The following RGS6 variants were observed in gnomAD, a reference collection of about 807,000 sequenced individuals.
The protein encoded by RGS6 is regulator of G protein signaling 6.
RGS6 carries 30 observed loss-of-function variants against 78.5 expected under a neutral mutation model. That is an observed-to-expected ratio of 0.38 (90% CI 0.29 to 0.52). RGS6 has a LOEUF of 0.52. Among genes scored for constraint, RGS6 ranks in the 20% least tolerant of loss-of-function variants. The pLI is 0.85. For synonymous variants in RGS6, 206 were observed against 206.0 expected, an observed-to-expected ratio of 1.00 and a Z score of 0.00; for missense variants, 495 against 609.7, an observed-to-expected ratio of 0.81 and a Z score of 1.98.
intron 2 of RGS6, among the ~76,000 whole-genome samples, chr14:72,115,659 C>A (rs899477296): frequency 6.6e-6 from 1 of 152,198 alleles, no homozygotes; most frequent in South Asian, 2.1e-4. Flanking sequence ...CCTGGCCCCC[C>A]ATCAACTTTC....
At chr14:72,506,280 G>A (rs2096798149) in intron 13 of RGS6, among the ~76,000 whole-genome samples, 1 of 152,138 alleles carries the variant, frequency 6.6e-6, no homozygotes, top group South Asian at 2.1e-4. Context: ...AAATCCAAAT[G>A]CTGACATAAA....
chr14:72,547,585 C>T lies in RGS6; in HGVS notation c.1422+7491C>T, dbSNP rs143323324. On this transcript the variant is annotated intron_variant, in intron 17 of 17. Transcript: ENST00000553525. ...GCAGTGTGGCTAAATGGGACACTGC[C>T]GGGGGTGGGACTCAGAGCAGTGGGA... Among the ~76,000 whole-genome samples, 12 of 152,214 alleles carry T rather than the reference C, an allele frequency of 7.9e-5. No individual in the cohort carries two copies. In the East Asian group the frequency reaches 2.3e-3, roughly 29 times the overall value.
chr14:72,079,676 C>A (rs1197363931), intron 2 of RGS6, among the ~76,000 whole-genome samples: 1 of 152,032 alleles, frequency 6.6e-6, no homozygotes, highest in African/African-American at 2.4e-5. Flanking sequence ...TGTCCTTTAC[C>A]CAACATCTCC....
At chr14:72,574,909 C>T in the RGS6 span, among the ~76,000 whole-genome samples, 1 of 151,992 alleles carries the variant, frequency 6.6e-6, no homozygotes, top group African/African-American at 2.4e-5. Flanking sequence ...TAGGGCCTAG[C>T]AGTGAGGGTG....
chr14:72,443,494 G>C (rs8022670), intron 3 of RGS6, among the ~76,000 whole-genome samples: 11,416 of 152,274 alleles, frequency 0.075, 762 homozygotes, highest in African/African-American at 0.15. Context: ...TGGTTAGGCT[G>C]ATCACAGTCC....
chr14:72,266,892 G>A (rs1346714655), intron 2 of RGS6, among the ~76,000 whole-genome samples: 1 of 152,176 alleles, frequency 6.6e-6, no homozygotes, highest in Non-Finnish European at 1.5e-5. Flanking sequence ...TCAGACCAGG[G>A]TCTAGCCAAT....
At chr14:71,874,661 T>C in the RGS6 span, among the ~76,000 whole-genome samples, 3 of 152,114 alleles carry the variant, frequency 2.0e-5, no homozygotes, top group Admixed American at 6.6e-5. Flanking sequence ...TTGCCCTGGC[T>C]AGAACTTCCA....
At chr14:72,572,547 A>G in the RGS6 span, among the ~76,000 whole-genome samples, 2 of 152,248 alleles carry the variant, frequency 1.3e-5, no homozygotes, top group African/African-American at 4.8e-5. Context: ...GCCAGTCACA[A>G]AAGACTATAG....
At chr14:72,470,122 G>T in intron 8 of RGS6, 39 bp downstream of exon 8, 1 of 1,477,680 alleles carries the variant, frequency 6.8e-7, no homozygotes, top group South Asian at 1.1e-5. Flanking sequence ...GAGAGGAAAA[G>T]ACTCTGGAAT....
chr14:72,429,410 T>A (rs904648666), intron 3 of RGS6, among the ~76,000 whole-genome samples: 3 of 152,182 alleles, frequency 2.0e-5, no homozygotes, highest in Non-Finnish European at 4.4e-5. Flanking sequence ...TAATTCATTC[T>A]AGTCTCCTGC....
chr14:72,486,978 G>A (rs754250711), intron 12 of RGS6, among the ~76,000 whole-genome samples: 3 of 152,080 alleles, frequency 2.0e-5, no homozygotes, highest in Non-Finnish European at 2.9e-5. Context: ...CCCCAGCTGT[G>A]AAGTTAACCC....
At chr14:72,289,216 G>A (rs968162893) in intron 2 of RGS6, among the ~76,000 whole-genome samples, 2 of 152,134 alleles carry the variant, frequency 1.3e-5, no homozygotes, top group Admixed American at 6.5e-5. Context: ...TTACTGAAAA[G>A]TGGTAGCTGA....
chr14:72,551,496 C>T (rs141674426), intron 17 of RGS6, among the ~76,000 whole-genome samples: 2 of 152,278 alleles, frequency 1.3e-5, no homozygotes, highest in East Asian at 1.9e-4. Context: ...ATGTCAAAAA[C>T]GTGGCAGGGA....
chr14:72,018,762 A>G (rs1331602336), intron 2 of RGS6, among the ~76,000 whole-genome samples: 7 of 152,082 alleles, frequency 4.6e-5, no homozygotes, highest in South Asian at 2.1e-4. Flanking sequence ...CCCTGGACCA[A>G]TACTTGTTTC....
intron 2 of RGS6, among the ~76,000 whole-genome samples, chr14:72,299,739 G>A (rs1289543812): frequency 6.6e-6 from 1 of 152,180 alleles, no homozygotes; most frequent in African/African-American, 2.4e-5. Flanking sequence ...TAATGATGTT[G>A]AGCATCTTCC....
intron 13 of RGS6, among the ~76,000 whole-genome samples, chr14:72,502,166 TG>T (rs1439227899): frequency 3.9e-5 from 6 of 152,202 alleles, no homozygotes; most frequent in Non-Finnish European, 8.8e-5. Context: ...CATTCCTTCT[TG>T]GAATCCATCT....
chr14:72,405,587 G>A (rs555471751), intron 3 of RGS6, among the ~76,000 whole-genome samples: 1 of 152,248 alleles, frequency 6.6e-6, no homozygotes, highest in East Asian at 1.9e-4. Context: ...GTTTAGACAT[G>A]ATGACATATA....
At chr14:72,547,181 C>T (rs1156932464) in intron 17 of RGS6, 37 of 1,534,812 alleles carry the variant, frequency 2.4e-5, no homozygotes, top group Middle Eastern at 1.8e-4. Context: ...CAGTCCTGTC[C>T]GGGGAGCAGC....
intron 1 of RGS6, among the ~76,000 whole-genome samples, chr14:71,941,831 C>T (rs541717664): frequency 4.6e-5 from 7 of 152,318 alleles, no homozygotes; most frequent in South Asian, 2.1e-4. Flanking sequence ...ATCAATACTC[C>T]GTATCCCTCA....
Sources: allele counts gnomAD v4.1 joint callset (sites outside exome capture counted in the v4.1 genomes callset), GRCh38; gene constraint gnomAD v4.1.1; transcripts MANE v1.5; gene names NCBI Gene and HGNC (gene_info 2026-07-23, HGNC 2026-07-21).